Variants in GUCY2F observed in about 807,000 individuals in gnomAD.
GUCY2F encodes the protein retinal guanylyl cyclase 2.
Under a neutral mutation model 73.1 loss-of-function variants are expected in GUCY2F, and 61 were observed. The observed-to-expected ratio is 0.83, with a 90% CI of 0.68 to 1.03. The LOEUF (loss-of-function observed/expected upper bound fraction) is 1.03. GUCY2F is among the 50% of genes least tolerant of loss of function. The pLI is 0.00. For missense variants in GUCY2F, 912 were observed against 854.3 expected (o/e 1.07, Z -0.84); for synonymous variants, 331 against 307.8 (o/e 1.08, Z -0.79).
chrX:109,430,151 T>C (rs1019709856), intron 8 of GUCY2F, among the ~76,000 whole-genome samples, 156 bp downstream of exon 8: 4 of 112,376 alleles, frequency 3.6e-5, no homozygotes, highest in Non-Finnish European at 7.5e-5. Flanking sequence ...CACATACCTT[T>C]GCCATTGCAT....
chrX:109,398,400 A>G, intron 11 of GUCY2F, 149 bp downstream of exon 11: 2 of 504,498 alleles, frequency 4.0e-6, no homozygotes, highest in Non-Finnish European at 6.4e-6. Flanking sequence ...CTGTCTGGCT[A>G]TAAGTCCCAC....
intron 8 of GUCY2F, among the ~76,000 whole-genome samples, chrX:109,414,425 G>A (rs940840639): frequency 8.9e-6 from 1 of 111,805 alleles, no homozygotes; most frequent in Non-Finnish European, 1.9e-5. Context: ...AGAAGTCAAT[G>A]GTCATATAGA....
At chrX:109,476,203 C>T (rs892175678) in intron 1 of GUCY2F, among the ~76,000 whole-genome samples, 182 bp from the exon 2 acceptor site, 1 of 109,814 alleles carries the variant, frequency 9.1e-6, no homozygotes, top group African/African-American at 3.4e-5. Flanking sequence ...ATGGCACATC[C>T]ATCCACTGTT....
Position 109,393,043 on chromosome X carries a change from TA to T in GUCY2F, c.2436del (p.Phe812LeufsTer27). The T allele has an allele frequency of 9.3e-7, 1 of 1,069,634 alleles. No individual in the cohort carries two copies. Among genetic ancestry groups the T allele is most frequent in the Non-Finnish European group, 1.3e-6 (1 of 772,571 alleles). 88.1% of individuals were successfully genotyped at this position (1,069,634 alleles called of 1,213,427 possible). On this transcript the variant is annotated frameshift_variant, in exon 13 of 20. Coordinates refer to ENST00000218006, the MANE Select transcript of GUCY2F (RefSeq NM_001522.3). LOFTEE classifies it high-confidence loss of function. ...ATAATATTGGTCTTCTTCCCTTTAT[TA>T]AAAGTTTTAAACTGGAAGTAAAATA... is the stretch of plus-strand genomic sequence containing the variant. ...FDEIFNQFKT[F>X]NKGKKTNIID... is the part of the protein sequence containing the mutation.
At chrX:109,458,723 A>G (rs7050984) in intron 3 of GUCY2F, among the ~76,000 whole-genome samples, 4,588 of 110,982 alleles carry the variant, frequency 0.041, 198 homozygotes, top group African/African-American at 0.13. Context: ...CAATAATAAT[A>G]ATAACCACAA....
At chrX:109,421,375 G>A (rs1411515010) in intron 8 of GUCY2F, among the ~76,000 whole-genome samples, 1 of 111,063 alleles carries the variant, frequency 9.0e-6, no homozygotes, top group African/African-American at 3.3e-5. Flanking sequence ...ATGAACAAAT[G>A]AATAACATAC....
chrX:109,379,384 CAA>C (rs3831758), intron 17 of GUCY2F, among the ~76,000 whole-genome samples: 25,525 of 105,642 alleles, frequency 0.24, 2,641 homozygotes, highest in East Asian at 0.71. Flanking sequence ...GTTCTCACCA[CAA>C]AAAAAAAATG....
intron 3 of GUCY2F, among the ~76,000 whole-genome samples, chrX:109,461,000 A>C (rs1932351963): frequency 8.9e-6 from 1 of 111,977 alleles, no homozygotes; most frequent in Non-Finnish European, 1.9e-5. Context: ...TTATAACCAT[A>C]TTATTTCATG....
At chrX:109,424,959 G>T (rs1603382267) in intron 8 of GUCY2F, among the ~76,000 whole-genome samples, 1 of 110,507 alleles carries the variant, frequency 9.0e-6, no homozygotes, top group Non-Finnish European at 1.9e-5. Flanking sequence ...TACAGACAGG[G>T]TTTCACCACG....
intron 3 of GUCY2F, among the ~76,000 whole-genome samples, chrX:109,456,366 A>G (rs1451716530): frequency 8.9e-6 from 1 of 112,062 alleles, no homozygotes; most frequent in African/African-American, 3.2e-5. Flanking sequence ...ACACACACAC[A>G]CAGGGCAGCA....
At chrX:109,445,471 T>C (rs1161691262) in intron 6 of GUCY2F, among the ~76,000 whole-genome samples, 1 of 112,230 alleles carries the variant, frequency 8.9e-6, no homozygotes, top group Non-Finnish European at 1.9e-5. Context: ...CACTATTTAA[T>C]AAAAGTGTAA....
In GUCY2F at chrX:109,393,063, T is replaced by A. The variant is rs754584546; in HGVS notation, c.2425-8A>T. 25 of 993,826 alleles carry A rather than the reference T, an allele frequency of 2.5e-5. No homozygotes were observed. Among genetic ancestry groups the A allele is most frequent in the East Asian group, 9.2e-5 (3 of 32,711 alleles). 81.9% of individuals were successfully genotyped at this position (993,826 alleles called of 1,213,427 possible). On this transcript the variant is annotated splice_polypyrimidine_tract_variant and splice_region_variant and intron_variant, in intron 12 of 19. Coordinates refer to ENST00000218006, the MANE Select transcript of GUCY2F (RefSeq NM_001522.3). ...TTTATTAAAAGTTTTAAACTGGAAG[T>A]AAAATAGAAAAGGGAACCAGAAAAT...
chrX:109,426,684 C>T (rs772573020), intron 8 of GUCY2F, among the ~76,000 whole-genome samples: 46 of 112,438 alleles, frequency 4.1e-4, no homozygotes, highest in African/African-American at 1.4e-3. Flanking sequence ...CCACCACACC[C>T]GGCCAGGTGA....
chrX:109,376,631 G>T (rs1292259398), intron 17 of GUCY2F, among the ~76,000 whole-genome samples: 2 of 112,029 alleles, frequency 1.8e-5, no homozygotes, highest in South Asian at 3.7e-4. Context: ...ATTTTGAGAG[G>T]TCTACATTTG....
chrX:109,397,836 AT>A (rs77814407), intron 11 of GUCY2F, among the ~76,000 whole-genome samples: 10,338 of 98,792 alleles, frequency 0.1, 1,193 homozygotes, highest in African/African-American at 0.33. Context: ...GAGGTTATGT[AT>A]TTTTTTTTTT....
chrX:109,426,052 G>A (rs947162785), intron 8 of GUCY2F, among the ~76,000 whole-genome samples: 6 of 111,951 alleles, frequency 5.4e-5, no homozygotes, highest in Admixed American at 2.8e-4. Flanking sequence ...TGAATTTATA[G>A]TGGAAACAAT....
chrX:109,396,329 A>G (rs1360513845), intron 11 of GUCY2F, among the ~76,000 whole-genome samples: 3 of 108,264 alleles, frequency 2.8e-5, no homozygotes, highest in Non-Finnish European at 5.7e-5. Context: ...TTTTACAAAA[A>G]GAAAACTCCC....
intron 5 of GUCY2F, among the ~76,000 whole-genome samples, chrX:109,449,662 C>T: frequency 8.9e-6 from 1 of 112,049 alleles, no homozygotes. Context: ...ATAGTCCTTG[C>T]ATTACCTGCT....
intron 12 of GUCY2F, among the ~76,000 whole-genome samples, chrX:109,394,072 A>G (rs1038439480): frequency 7.2e-5 from 8 of 111,631 alleles, no homozygotes; most frequent in African/African-American, 2.6e-4. Context: ...TGCCTAACCC[A>G]GGGAACCTCC....
Sources: gnomAD v4.1 joint callset for allele counts (sites outside exome capture counted in the v4.1 genomes callset) on GRCh38, gnomAD v4.1.1 for gene constraint, MANE v1.5 for transcripts, NCBI Gene and HGNC (gene_info 2026-07-23, HGNC 2026-07-21) for gene names.